Variants in CUBN observed in about 807,000 individuals in gnomAD.
The protein encoded by CUBN is cubilin.
Under a neutral mutation model 405.3 loss-of-function variants are expected in CUBN, and 282 were observed. The observed-to-expected ratio is 0.70, with a 90% CI of 0.63 to 0.77. The LOEUF (loss-of-function observed/expected upper bound fraction) is 0.77. Among genes scored for constraint, CUBN ranks in the 30% least tolerant of loss-of-function variants. The pLI is 0.00. For synonymous variants in CUBN, 1,684 were observed against 1,617.0 expected (o/e 1.04, Z -0.99); for missense variants, 4,514 against 4,475.2 (o/e 1.01, Z -0.25).
In CUBN at chr10:16,965,773, T is replaced by A. The variant is rs1358355692; in HGVS notation, c.4696-11225A>T. 6.3e-5 allele frequency: 15 copies of A among 236,924 alleles called. 1 individual carries two copies. The highest frequency in any genetic ancestry group is 8.5e-6 in the Non-Finnish European group (1 of 117,076). 14.7% of individuals were successfully genotyped at this position (236,924 alleles called of 1,614,324 possible). On this transcript the variant is annotated intron_variant, in intron 31 of 66. Transcript: ENST00000377833. ...AGCAGGAGTCATTGTAATAGAAAAA[T>A]TAGGAATAGCAGCAAATACTTATCT... is the stretch of plus-strand genomic sequence containing the variant.
At chr10:16,835,441 G>A (rs1165779875) in intron 63 of CUBN, among the ~76,000 whole-genome samples, 3 of 152,176 alleles carry the variant, frequency 2.0e-5, no homozygotes, top group African/African-American at 7.2e-5. Flanking sequence ...TGACACAGGA[G>A]GCTTCTCCTT....
At chr10:17,024,609 ATCC>A (rs1378648307) in intron 27 of CUBN, among the ~76,000 whole-genome samples, 2 of 152,124 alleles carry the variant, frequency 1.3e-5, no homozygotes, top group Non-Finnish European at 2.9e-5. Flanking sequence ...GGCTCAAGCA[ATCC>A]TCCTGCCTAA....
intron 27 of CUBN, among the ~76,000 whole-genome samples, chr10:17,027,665 A>G (rs1834702061): frequency 6.6e-6 from 1 of 152,172 alleles, no homozygotes. Context: ...AGAATTTCAT[A>G]CCCTTTTAGA....
chr10:17,046,697 G>T (rs1330892067), intron 23 of CUBN, among the ~76,000 whole-genome samples: 2 of 151,988 alleles, frequency 1.3e-5, no homozygotes, highest in East Asian at 3.8e-4. Flanking sequence ...TAGCACGATA[G>T]GGTCCAATTA....
At chr10:16,949,453 G>GTGTGTGTGTGTGTGTT (rs1205621207) in intron 34 of CUBN, among the ~76,000 whole-genome samples, 2 of 72,412 alleles carry the variant, frequency 2.8e-5, no homozygotes, top group Non-Finnish European at 8.0e-5. Flanking sequence ...GTGTGTGTGT[G>GTGTGTGTGTGTGTGTT]TGTGTGTGTG....
At position 17,045,150 on chromosome 10, in the gene CUBN, T is replaced by G; in HGVS notation, c.3529A>C (p.Ile1177Leu). 1 of 1,613,888 alleles carries G rather than the reference T, an allele frequency of 6.2e-7. No homozygotes were observed. The highest frequency in any genetic ancestry group is 8.5e-7 in the Non-Finnish European group (1 of 1,179,938). Reference sequence around the variant, plus strand: ...TAGGGCATCGGGTAGTTGGGAGATATGAACGTGCCGCTTGAAGTGGTGAGA... The same window carrying G: ...TAGGGCATCGGGTAGTTGGGAGATAGGAACGTGCCGCTTGAAGTGGTGAGA... Reference protein sequence around the residue: ...GNLTTSSGTFISPNYPMPYYH... With the variant: ...GNLTTSSGTFLSPNYPMPYYH... The change falls in exon 25 of 67, where the codon ATA becomes CTA. Residue 1177 changes from isoleucine to leucine, a missense_variant. This residue lies in a region of CUBN where 242 missense variants were observed against 309.0 expected (regional missense o/e 0.78). Coordinates refer to ENST00000377833, the MANE Select transcript of CUBN (RefSeq NM_001081.4).
rs753935994 is a variant in CUBN at position 17,105,437 on chromosome 10, A to C, written c.1230+20T>G. ...TAATTCTCAGGTACTCTCTGTCCAC[A>C]GGAAAAACAAAGGACTCACGATGCA... is the stretch of plus-strand genomic sequence containing the variant. On this transcript the variant is annotated intron_variant, in intron 11 of 66. Transcript: ENST00000377833. The C allele has an allele frequency of 9.6e-6, 13 of 1,350,904 alleles. No individual in the cohort carries two copies. Among genetic ancestry groups the C allele is most frequent in the Non-Finnish European group, 1.4e-5 (13 of 938,388 alleles). 83.7% of individuals were successfully genotyped at this position (1,350,904 alleles called of 1,614,324 possible). A position where few individuals can be genotyped will look rare whatever the true frequency, so the allele number is the denominator to read the frequency against.
rs1022242308 is a variant in CUBN, at chr10:17,027,211, C to T, written c.4018-7228G>A. Among the ~76,000 whole-genome samples the T allele has an allele frequency of 7.2e-5, 11 of 152,258 alleles. No homozygotes were observed. The East Asian group carries it at 2.1e-3, about 29-fold the overall frequency. ...ATCATGGGTGTGGGAAAACATTTAA[C>T]TACAAAGATACTTATCTCAGAACTG... On this transcript the variant is annotated intron_variant, in intron 27 of 66. Transcript: ENST00000377833.
At chr10:16,865,446 C>T (rs774084143) in intron 59 of CUBN, among the ~76,000 whole-genome samples, 14 of 152,028 alleles carry the variant, frequency 9.2e-5, no homozygotes, top group Non-Finnish European at 2.1e-4. Flanking sequence ...CAGTGGCCCT[C>T]GTCATCAGCA....
chr10:17,008,119 C>T (rs891562072), intron 28 of CUBN, among the ~76,000 whole-genome samples: 2 of 151,990 alleles, frequency 1.3e-5, no homozygotes, highest in African/African-American at 4.8e-5. Context: ...CCACTGCACT[C>T]TAGCCTGGGA....
At chr10:16,895,835 G>A (rs548594209) in intron 54 of CUBN, among the ~76,000 whole-genome samples, 2 of 152,202 alleles carry the variant, frequency 1.3e-5, no homozygotes, top group South Asian at 4.1e-4. Flanking sequence ...TTGATAACCT[G>A]TATTGTGATT....
chr10:16,891,918 A>T (rs928629581), intron 54 of CUBN, among the ~76,000 whole-genome samples: 2 of 152,168 alleles, frequency 1.3e-5, no homozygotes, highest in African/African-American at 2.4e-5. Flanking sequence ...CCTTTCTATC[A>T]ACAGACAACT....
chr10:16,900,857 G>A lies in CUBN; in HGVS notation c.8185-7C>T. On this transcript the variant is annotated splice_polypyrimidine_tract_variant and splice_region_variant and intron_variant, in intron 52 of 66. Transcript: ENST00000377833. The stretch of plus-strand genomic sequence containing the variant: ...CAAAGTCACTAAATGTGAGCTGCAG[G>A]AGAAAAAAGAAAATGGTTGTCAGTG... The A allele has an allele frequency of 6.3e-7, 1 of 1,596,352 alleles. No individual in the cohort carries two copies. The highest frequency in any genetic ancestry group is 8.6e-7 in the Non-Finnish European group (1 of 1,166,134).
chr10:17,042,752 G>A (rs1835045556), intron 26 of CUBN, among the ~76,000 whole-genome samples: 1 of 152,032 alleles, frequency 6.6e-6, no homozygotes, highest in Non-Finnish European at 1.5e-5. Flanking sequence ...CTAATCCCCA[G>A]ATATAAATCA....
chr10:17,020,053 C>A (rs1049747130), intron 27 of CUBN, 70 bp from the exon 28 acceptor site: 3 of 1,564,552 alleles, frequency 1.9e-6, no homozygotes, highest in African/African-American at 2.7e-5. Context: ...CAAGTCTACA[C>A]AAGTAGCAAA....
At position 16,831,287 on chromosome 10, in the gene CUBN, CGATCA is replaced by C; in HGVS notation, c.10488_10492del (p.Asp3497TrpfsTer3). On this transcript the variant is annotated frameshift_variant, in exon 65 of 67. Coordinates refer to ENST00000377833, the MANE Select transcript of CUBN (RefSeq NM_001081.4). LOFTEE classifies it high-confidence loss of function. ...TGAAGTCCAGATGATTTCATATCCA[CGATCA>C]GAAGTTACACTATCACTCTTAAATC... The C allele has an allele frequency of 6.2e-7, 1 of 1,614,026 alleles. No homozygotes were observed. The highest frequency in any genetic ancestry group is 8.5e-7 in the Non-Finnish European group (1 of 1,179,926).
At chr10:16,993,083 C>A (rs2131722577) in intron 28 of CUBN, among the ~76,000 whole-genome samples, 1 of 152,242 alleles carries the variant, frequency 6.6e-6, no homozygotes, top group South Asian at 2.1e-4. Flanking sequence ...AGATGTACCA[C>A]CTTTTACTAA....
At chr10:17,052,650 C>T (rs9664321) in intron 22 of CUBN, among the ~76,000 whole-genome samples, 3,194 of 150,364 alleles carry the variant, frequency 0.021, 124 homozygotes, top group African/African-American at 0.073. Context: ...GTCCCAGCTA[C>T]TCGGGAGGCT....
intron 27 of CUBN, among the ~76,000 whole-genome samples, chr10:17,037,735 C>T (rs12266015): frequency 0.028 from 4,260 of 152,274 alleles, 215 homozygotes; most frequent in African/African-American, 0.098. Flanking sequence ...CCATCACTTA[C>T]TCTGGTTTGT....
Sources: allele counts gnomAD v4.1 joint callset (sites outside exome capture counted in the v4.1 genomes callset), GRCh38; gene constraint gnomAD v4.1.1; regional missense constraint gnomAD v4.1.1; transcripts MANE v1.5; gene names NCBI Gene and HGNC (gene_info 2026-07-23, HGNC 2026-07-21).